Variants in TMEM132D observed in about 807,000 individuals in gnomAD.
TMEM132D encodes the protein mature OL transmembrane protein.
A neutral mutation model predicts 62.3 loss-of-function variants in TMEM132D; 21 were observed. That is an observed-to-expected ratio of 0.34 (90% CI 0.24 to 0.49). The LOEUF is 0.49. Among genes scored for constraint, TMEM132D ranks in the 20% least tolerant of loss-of-function variants. The pLI, the probability that TMEM132D is intolerant of heterozygous loss-of-function variation, is 0.99. For missense variants in TMEM132D, 1,346 were observed against 1,402.8 expected (o/e 0.96, Z 0.65); for synonymous variants, 621 against 575.6 (o/e 1.08, Z -1.13).
At chr12:129,529,589 A>G (rs1284186193) in intron 3 of TMEM132D, among the ~76,000 whole-genome samples, 2 of 152,248 alleles carry the variant, frequency 1.3e-5, no homozygotes, top group Non-Finnish European at 2.9e-5. Context: ...TAATACATAA[A>G]AAGAGATGGC....
chr12:129,400,652 C>A (rs1387327194), intron 3 of TMEM132D, among the ~76,000 whole-genome samples: 2 of 152,144 alleles, frequency 1.3e-5, no homozygotes, highest in African/African-American at 4.8e-5. Flanking sequence ...AATTAATGAA[C>A]CTCAGCATCC....
intron 1 of TMEM132D, 64 bp from the exon 2 acceptor site, chr12:129,700,762 A>G (rs2137228252): frequency 6.6e-7 from 1 of 1,510,056 alleles, no homozygotes; most frequent in African/African-American, 1.4e-5. Context: ...AGCATTTCAG[A>G]CATCTGCGTG....
chr12:129,411,994 A>C (rs10847866), intron 3 of TMEM132D, among the ~76,000 whole-genome samples: 20,155 of 152,226 alleles, frequency 0.13, 1,964 homozygotes, highest in East Asian at 0.44. Context: ...TTTGACTGTA[A>C]TGCAATACTC....
At chr12:129,687,801 G>A (rs1231008813) in intron 2 of TMEM132D, among the ~76,000 whole-genome samples, 3 of 152,000 alleles carry the variant, frequency 2.0e-5, no homozygotes, top group African/African-American at 7.3e-5. Flanking sequence ...CTCATCTCTG[G>A]AACCCCCAAG....
chr12:129,393,607 T>C (rs1273930097), intron 3 of TMEM132D, among the ~76,000 whole-genome samples: 2 of 152,170 alleles, frequency 1.3e-5, no homozygotes, highest in East Asian at 1.9e-4. Flanking sequence ...GCTCAGAAAC[T>C]TGGCTCAATA....
At chr12:129,463,480 T>TATC (rs1873758297) in intron 3 of TMEM132D, among the ~76,000 whole-genome samples, 1 of 149,854 alleles carries the variant, frequency 6.7e-6, no homozygotes, top group Non-Finnish European at 1.5e-5. Flanking sequence ...GTATTATTAT[T>TATC]ATTATTATTA....
At chr12:129,465,048 T>A (rs1873838118) in intron 3 of TMEM132D, among the ~76,000 whole-genome samples, 2 of 152,112 alleles carry the variant, frequency 1.3e-5, no homozygotes, top group South Asian at 4.2e-4. Flanking sequence ...TTGAATCTAT[T>A]AATTACCTTG....
chr12:129,435,391 T>C (rs1042002217), intron 3 of TMEM132D, among the ~76,000 whole-genome samples: 2 of 152,214 alleles, frequency 1.3e-5, no homozygotes, highest in Non-Finnish European at 1.5e-5. Context: ...TTAAGGTGCC[T>C]ACATACTAAT....
chr12:129,663,030 T>C (rs1334414096), intron 2 of TMEM132D, among the ~76,000 whole-genome samples: 1 of 152,188 alleles, frequency 6.6e-6, no homozygotes, highest in Non-Finnish European at 1.5e-5. Context: ...AGATTCTGAC[T>C]TTCAGTCGCC....
At chr12:129,822,262 T>A (rs1872558861) in intron 1 of TMEM132D, among the ~76,000 whole-genome samples, 1 of 151,664 alleles carries the variant, frequency 6.6e-6, no homozygotes, top group South Asian at 2.1e-4. Context: ...CCTGCCGGGG[T>A]CCTGAAGACC....
chr12:129,263,723 G>T (rs368402653), intron 4 of TMEM132D, among the ~76,000 whole-genome samples: 2 of 152,050 alleles, frequency 1.3e-5, no homozygotes, highest in African/African-American at 4.8e-5. Context: ...AGGCACTTGT[G>T]CTTCCAAAGG....
intron 2 of TMEM132D, among the ~76,000 whole-genome samples, chr12:129,548,128 C>T (rs537582053): frequency 1.2e-4 from 19 of 152,304 alleles, no homozygotes; most frequent in Non-Finnish European, 2.6e-4. Context: ...CGCTTAATCA[C>T]CCCGTGGGGC....
rs79592229 is a variant in TMEM132D, at chr12:129,562,044, T to C, written c.969-30839A>G. Among the ~76,000 whole-genome samples the C allele has an allele frequency of 1.7e-3, 253 of 152,276 alleles. 1 individual carries two copies. The highest frequency in any genetic ancestry group is 5.6e-3 in the African/African-American group (234 of 41,558). On this transcript the variant is annotated intron_variant, in intron 2 of 8. Coordinates refer to ENST00000422113, the MANE Select transcript of TMEM132D (RefSeq NM_133448.3). ...TGACTGTTGTATTTTCTAAAAACCT[T>C]CTTGAGGAACATTTTACAGTGAAAC...
At chr12:129,259,242 C>A (rs1007401494) in intron 4 of TMEM132D, among the ~76,000 whole-genome samples, 1 of 152,158 alleles carries the variant, frequency 6.6e-6, no homozygotes, top group Non-Finnish European at 1.5e-5. Context: ...CTAGGCTGAG[C>A]ATCAGCAGTA....
At chr12:129,796,353 C>T (rs548740269) in intron 1 of TMEM132D, among the ~76,000 whole-genome samples, 47 of 152,168 alleles carry the variant, frequency 3.1e-4, no homozygotes, top group African/African-American at 1.0e-3. Context: ...AGTTAACCTA[C>T]GGATACCATT....
intron 5 of TMEM132D, among the ~76,000 whole-genome samples, chr12:129,189,711 C>T (rs1192114689): frequency 5.3e-5 from 8 of 152,148 alleles, no homozygotes; most frequent in Admixed American, 5.2e-4. Context: ...GGTGGCACAA[C>T]ACCATTTAAA....
intron 3 of TMEM132D, among the ~76,000 whole-genome samples, chr12:129,422,097 A>C (rs1456474700): frequency 6.7e-6 from 1 of 149,086 alleles, no homozygotes; most frequent in Non-Finnish European, 1.5e-5. Flanking sequence ...AGCAATGTTA[A>C]AAAAAAAAAA....
chr12:129,701,851 G>A (rs75867338), intron 1 of TMEM132D, among the ~76,000 whole-genome samples: 2,538 of 152,264 alleles, frequency 0.017, 101 homozygotes, highest in East Asian at 0.13. Context: ...AAAGGCCCAC[G>A]CAAACACACA....
intron 3 of TMEM132D, among the ~76,000 whole-genome samples, chr12:129,432,536 G>A (rs184500199): frequency 1.3e-5 from 2 of 152,352 alleles, no homozygotes; most frequent in Admixed American, 1.3e-4. Context: ...TCATTGGCAT[G>A]GGCCATAAAG....
Sources: allele counts gnomAD v4.1 joint callset (sites outside exome capture counted in the v4.1 genomes callset), GRCh38; gene constraint gnomAD v4.1.1; transcripts MANE v1.5; gene names NCBI Gene and HGNC (gene_info 2026-07-23, HGNC 2026-07-21).